Variants in HPSE2 observed in about 807,000 individuals in gnomAD.
HPSE2 encodes inactive heparanase-2.
Under a neutral mutation model 60.5 loss-of-function variants are expected in HPSE2, and 38 were observed. The observed-to-expected ratio is 0.63, with a 90% CI of 0.48 to 0.82. The LOEUF is 0.82. Among genes scored for constraint, HPSE2 ranks in the 40% least tolerant of loss-of-function variants. The pLI is 0.00. For missense variants in HPSE2, 713 were observed against 740.4 expected, an observed-to-expected ratio of 0.96 and a Z score of 0.43; for synonymous variants, 295 against 293.2, an observed-to-expected ratio of 1.01 and a Z score of -0.06.
At chr10:98,760,787 GTA>G (rs1949987634) in intron 3 of HPSE2, among the ~76,000 whole-genome samples, 1 of 151,976 alleles carries the variant, frequency 6.6e-6, no homozygotes, top group Admixed American at 6.6e-5. Context: ...TCCAGCTTTG[GTA>G]TCAGGTCTTT....
At chr10:98,963,084 C>T (rs1955721720) in intron 3 of HPSE2, among the ~76,000 whole-genome samples, 1 of 152,082 alleles carries the variant, frequency 6.6e-6, no homozygotes, top group African/African-American at 2.4e-5. Context: ...CTTCAGGATG[C>T]ACATAGCATA....
intron 3 of HPSE2, among the ~76,000 whole-genome samples, chr10:98,807,400 C>T (rs2134554481): frequency 6.6e-6 from 1 of 152,290 alleles, no homozygotes; most frequent in African/African-American, 2.4e-5. Flanking sequence ...AGACATCTAG[C>T]ACTTTAATTT....
chr10:99,120,895 G>A (rs576855070), intron 3 of HPSE2, among the ~76,000 whole-genome samples: 54 of 152,260 alleles, frequency 3.5e-4, no homozygotes, highest in African/African-American at 1.2e-3. Context: ...GGAAAACAGT[G>A]TGGTAATTTC....
At chr10:99,252,863 C>A in the HPSE2 span, among the ~76,000 whole-genome samples, 1 of 118,562 alleles carries the variant, frequency 8.4e-6, no homozygotes, top group African/African-American at 3.4e-5. Context: ...GGCGACAGAG[C>A]GAGACTCCGT....
At chr10:98,960,829 G>T (rs558357714) in intron 3 of HPSE2, among the ~76,000 whole-genome samples, 1 of 143,394 alleles carries the variant, frequency 7.0e-6, no homozygotes, top group Non-Finnish European at 1.5e-5. Flanking sequence ...ATGCTGGTGC[G>T]CTGCACCCAC....
chr10:98,803,607 G>T (rs1445462493), intron 3 of HPSE2, among the ~76,000 whole-genome samples: 19 of 151,852 alleles, frequency 1.3e-4, no homozygotes, highest in Non-Finnish European at 2.8e-4. Flanking sequence ...GTTTTTCTCA[G>T]GTTTGTCAAA....
chr10:98,976,891 T>TCCAATAACAATA (rs1956099209), intron 3 of HPSE2, among the ~76,000 whole-genome samples: 1 of 152,094 alleles, frequency 6.6e-6, no homozygotes, highest in Non-Finnish European at 1.5e-5. Context: ...CAATAACAAG[T>TCCAATAACAATA]ATCCTTATAA....
chr10:98,482,292 T>C (rs1011049905), intron 11 of HPSE2, among the ~76,000 whole-genome samples: 1 of 152,178 alleles, frequency 6.6e-6, no homozygotes, highest in South Asian at 2.1e-4. Flanking sequence ...TACATGACCA[T>C]GGGGCACTAT....
intron 3 of HPSE2, among the ~76,000 whole-genome samples, chr10:98,887,862 G>T (rs982482526): frequency 1.3e-5 from 2 of 150,930 alleles, no homozygotes; most frequent in Admixed American, 6.6e-5. Context: ...TTAAAATGAA[G>T]ATGTGAACGC....
At chr10:98,713,794 A>G (rs1487228872) in intron 5 of HPSE2, among the ~76,000 whole-genome samples, 4 of 152,118 alleles carry the variant, frequency 2.6e-5, no homozygotes, top group Admixed American at 6.6e-5. Flanking sequence ...AAGTGCTGCC[A>G]TAAGTCATTC....
At chr10:98,583,327 G>A (rs1288661949) in intron 9 of HPSE2, among the ~76,000 whole-genome samples, 1 of 152,138 alleles carries the variant, frequency 6.6e-6, no homozygotes, top group East Asian at 1.9e-4. Flanking sequence ...TTCTTGAGCC[G>A]CTTGCTCGAG....
chr10:99,261,600 G>A, the HPSE2 span, among the ~76,000 whole-genome samples: 2 of 152,152 alleles, frequency 1.3e-5, no homozygotes, highest in South Asian at 2.1e-4. Flanking sequence ...CCAGAAGGCC[G>A]TCTTATTCTC....
At chr10:98,979,621 T>A (rs575089476) in intron 3 of HPSE2, among the ~76,000 whole-genome samples, 2 of 152,328 alleles carry the variant, frequency 1.3e-5, no homozygotes, top group South Asian at 4.1e-4. Flanking sequence ...TATGTATTGA[T>A]TGGTTGATTA....
intron 3 of HPSE2, among the ~76,000 whole-genome samples, chr10:98,765,482 G>A (rs952459122): frequency 7.2e-5 from 11 of 152,196 alleles, no homozygotes; most frequent in African/African-American, 1.2e-4. Flanking sequence ...AGAACATATC[G>A]AAATTTGTGT....
intron 3 of HPSE2, among the ~76,000 whole-genome samples, chr10:98,946,481 A>G (rs1218391686): frequency 6.6e-6 from 1 of 151,970 alleles, no homozygotes; most frequent in East Asian, 1.9e-4. Context: ...TCAAAAAAAA[A>G]AAAAAAACAG....
intron 3 of HPSE2, among the ~76,000 whole-genome samples, chr10:99,059,320 A>C (rs1958182391): frequency 6.6e-6 from 1 of 152,214 alleles, no homozygotes. Flanking sequence ...TCTACTAAGA[A>C]GAACTGTGAA....
chr10:99,260,248 A>G, the HPSE2 span, among the ~76,000 whole-genome samples: 1 of 152,256 alleles, frequency 6.6e-6, no homozygotes, highest in East Asian at 1.9e-4. Flanking sequence ...CTACAAAAAA[A>G]AAAAAACCCT....
intron 3 of HPSE2, among the ~76,000 whole-genome samples, chr10:99,142,336 C>T (rs1284350128): frequency 6.6e-6 from 1 of 152,164 alleles, no homozygotes; most frequent in Non-Finnish European, 1.5e-5. Flanking sequence ...AACTTCATAA[C>T]AATTAGAAAA....
intron 3 of HPSE2, among the ~76,000 whole-genome samples, chr10:98,870,218 T>C (rs1369133002): frequency 6.6e-6 from 1 of 152,184 alleles, no homozygotes; most frequent in Non-Finnish European, 1.5e-5. Flanking sequence ...TTTTATTACA[T>C]TGCCTTTCAA....
Sources: allele counts gnomAD v4.1 joint callset (sites outside exome capture counted in the v4.1 genomes callset), GRCh38; gene constraint gnomAD v4.1.1; transcripts MANE v1.5; gene names NCBI Gene and HGNC (gene_info 2026-07-23, HGNC 2026-07-21).